Variants in IGSF11 observed in about 807,000 individuals in gnomAD.
IGSF11 encodes immunoglobulin superfamily member 11, also known as CXADR like 1.
A neutral mutation model predicts 41.0 loss-of-function variants in IGSF11; 22 were observed. The observed-to-expected ratio is 0.54, with a 90% CI of 0.38 to 0.77. The LOEUF (loss-of-function observed/expected upper bound fraction) is 0.77, where lower values mean the gene tolerates loss of function less well. IGSF11 is among the 30% of genes least tolerant of loss of function. The pLI is 0.00. For missense variants in IGSF11, 444 were observed against 530.8 expected, an observed-to-expected ratio of 0.84 and a Z score of 1.61; for synonymous variants, 219 against 201.3, an observed-to-expected ratio of 1.09 and a Z score of -0.74.
intron 1 of IGSF11, among the ~76,000 whole-genome samples, chr3:118,933,334 A>G (rs1456161384): frequency 6.6e-6 from 1 of 152,088 alleles, no homozygotes; most frequent in Admixed American, 6.6e-5. Context: ...TCATCACATC[A>G]TACAAGGGGT....
intron 1 of IGSF11, among the ~76,000 whole-genome samples, chr3:119,040,319 A>G (rs547201461): frequency 4.6e-5 from 7 of 152,188 alleles, no homozygotes; most frequent in South Asian, 2.1e-4. Flanking sequence ...CTCCTGGCTC[A>G]CTGGCTTCCC....
At chr3:119,092,626 A>G (rs1435691629) in intron 1 of IGSF11, among the ~76,000 whole-genome samples, 1 of 152,172 alleles carries the variant, frequency 6.6e-6, no homozygotes, top group Non-Finnish European at 1.5e-5. Context: ...TACTGTGCCC[A>G]GCCGTGTACA....
At chr3:119,116,322 C>A (rs573411580) in intron 1 of IGSF11, among the ~76,000 whole-genome samples, 1 of 152,094 alleles carries the variant, frequency 6.6e-6, no homozygotes. Context: ...GGAATTTATA[C>A]CACTGGCTCC....
chr3:118,992,033 A>G (rs1056369106), intron 1 of IGSF11, among the ~76,000 whole-genome samples: 6 of 152,340 alleles, frequency 3.9e-5, no homozygotes, highest in African/African-American at 1.4e-4. Flanking sequence ...CACAAACAGA[A>G]GGCTTCTGTA....
rs533807646 is a variant in IGSF11, at chr3:119,111,641, C to T, written c.-13-6436G>A. ...TTGTTCGGTTGCTGGTGAGGAACTG[C>T]GTTCCTTTGGAGGAGGAGAGGCGCT... On this transcript the variant is annotated intron_variant, in intron 1 of 7. Transcript: ENST00000425327. Among the ~76,000 whole-genome samples, 260 of 152,374 alleles carry T rather than the reference C, an allele frequency of 1.7e-3. 1 individual carries two copies. Among genetic ancestry groups the T allele is most frequent in the Non-Finnish European group, 3.0e-3 (204 of 68,038 alleles).
intron 1 of IGSF11, among the ~76,000 whole-genome samples, chr3:119,020,280 C>T (rs1019336364): frequency 6.6e-6 from 1 of 152,204 alleles, no homozygotes; most frequent in Non-Finnish European, 1.5e-5. Context: ...TACTAGGTCT[C>T]TCATACACTT....
chr3:118,931,416 C>T (rs1202631922), intron 1 of IGSF11, among the ~76,000 whole-genome samples: 1 of 152,134 alleles, frequency 6.6e-6, no homozygotes, highest in Non-Finnish European at 1.5e-5. Context: ...TATCCATCAA[C>T]TGGTGAATGG....
chr3:119,033,507 T>C (rs1373742689), intron 1 of IGSF11, among the ~76,000 whole-genome samples: 1 of 152,152 alleles, frequency 6.6e-6, no homozygotes, highest in African/African-American at 2.4e-5. Context: ...ATACAAAAAG[T>C]TTTCGTATTC....
chr3:119,032,986 A>G (rs966149193), intron 1 of IGSF11, among the ~76,000 whole-genome samples: 2 of 152,200 alleles, frequency 1.3e-5, no homozygotes, highest in African/African-American at 4.8e-5. Flanking sequence ...GTTATTGCCA[A>G]AACTGAGAAG....
At chr3:119,015,830 C>T (rs1938620030) in intron 1 of IGSF11, among the ~76,000 whole-genome samples, 1 of 152,078 alleles carries the variant, frequency 6.6e-6, no homozygotes, top group South Asian at 2.1e-4. Flanking sequence ...GCACCTGGTG[C>T]CTGACGTCCA....
In IGSF11 at chr3:118,959,886, T is replaced by TA. The variant is rs552275333; in HGVS notation, c.53-29612dup. Among the ~76,000 whole-genome samples, 1,075 of 150,622 alleles carry TA rather than the reference T, an allele frequency of 7.1e-3. 6 individuals are homozygous for TA. The highest frequency in any genetic ancestry group is 0.02 in the Middle Eastern group (6 of 294). ...AATGGTGAAACCCCGCCTCTAAAAA[T>TA]AAAAAAAAATTAGCTGGGCGTGGTG... is the stretch of plus-strand genomic sequence containing the variant. On this transcript the variant is annotated intron_variant, in intron 1 of 6. Transcript: ENST00000393775.
rs566493738 is a variant in IGSF11 at position 118,983,150 on chromosome 3, CCT to C, written c.52+51379_52+51380del. 5.0e-4 allele frequency among the ~76,000 whole-genome samples: 76 copies of C among 152,278 alleles called. 1 individual carries two copies. Among genetic ancestry groups the C allele is most frequent in the African/African-American group, 1.8e-3 (73 of 41,564 alleles). On this transcript the variant is annotated intron_variant, in intron 1 of 6. Transcript: ENST00000393775. Reference sequence around the variant, plus strand: ...GGACTAGGTGAACATGTAAGCACTGCCTCTGTCACAATAAGATATTAACTGTA... The same window carrying C: ...GGACTAGGTGAACATGTAAGCACTGCCTGTCACAATAAGATATTAACTGTA...
intron 1 of IGSF11, among the ~76,000 whole-genome samples, chr3:118,993,939 G>C (rs116125115): frequency 0.013 from 1,949 of 152,280 alleles, 45 homozygotes; most frequent in African/African-American, 0.045. Context: ...ATTAGATAAT[G>C]GTACTCGCTG....
At chr3:118,913,754 T>A (rs1200258857) in intron 4 of IGSF11, among the ~76,000 whole-genome samples, 1 of 152,018 alleles carries the variant, frequency 6.6e-6, no homozygotes, top group African/African-American at 2.4e-5. Context: ...TAAATCTAAA[T>A]AAAACCGTAA....
Position 119,034,520 on chromosome 3 carries a change from G to C in IGSF11, c.52+11C>G, listed in dbSNP as rs750760711. On this transcript the variant is annotated intron_variant, in intron 1 of 6. Coordinates refer to ENST00000393775, the MANE Select transcript of IGSF11 (RefSeq NM_001015887.3). ...TGGCCCCACCGGGAAGAAAGGGCTG[G>C]AGCTACTCACCGTGCAGAGAGAGGA... 1.4e-5 allele frequency: 22 copies of C among 1,572,242 alleles called. No homozygotes were observed. The highest frequency in any genetic ancestry group is 4.1e-5 in the African/African-American group (3 of 72,470).
chr3:119,130,860 T>G (rs751996612), intron 1 of IGSF11, among the ~76,000 whole-genome samples: 8 of 151,774 alleles, frequency 5.3e-5, no homozygotes, highest in Non-Finnish European at 1.2e-4. Flanking sequence ...CAATATTTGC[T>G]GTTCTGCAAT....
At chr3:119,036,624 T>C (rs1265739976), upstream of IGSF11, among the ~76,000 whole-genome samples, 2 of 152,108 alleles carry the variant, frequency 1.3e-5, no homozygotes, top group Non-Finnish European at 2.9e-5. Context: ...TTATCTGATA[T>C]ATTTATCGCA....
intron 1 of IGSF11, chr3:118,947,502 A>T (rs1944246241): frequency 6.6e-6 from 1 of 152,242 alleles, no homozygotes; most frequent in Non-Finnish European, 1.5e-5. Context: ...TGATGGATAA[A>T]TAAGAAAGAA....
intron 1 of IGSF11, among the ~76,000 whole-genome samples, chr3:119,014,606 C>T (rs760608383): frequency 1.3e-4 from 20 of 152,192 alleles, no homozygotes; most frequent in Non-Finnish European, 2.5e-4. Context: ...TATTATTTCA[C>T]TCATGTTATT....
Sources: allele counts gnomAD v4.1 joint callset (sites outside exome capture counted in the v4.1 genomes callset), GRCh38; gene constraint gnomAD v4.1.1; transcripts MANE v1.5; gene names NCBI Gene and HGNC (gene_info 2026-07-23, HGNC 2026-07-21).